The following MTA3 variants were observed in gnomAD, a reference collection of about 807,000 sequenced individuals.
MTA3 encodes metastasis-associated protein MTA3.
In MTA3, 34 loss-of-function variants were observed where a neutral mutation model predicts 83.5. That is an observed-to-expected ratio of 0.41 (90% CI 0.31 to 0.54). The LOEUF (loss-of-function observed/expected upper bound fraction) is 0.54. Ranked by LOEUF, MTA3 falls within the 20% of genes least tolerant of loss-of-function variation. The pLI is 0.33. For synonymous variants in MTA3, 303 were observed against 252.7 expected, an observed-to-expected ratio of 1.20 and a Z score of -1.89; for missense variants, 761 against 726.4, an observed-to-expected ratio of 1.05 and a Z score of -0.55.
intron 4 of MTA3, among the ~76,000 whole-genome samples, chr2:42,632,463 A>AT (rs1268020959): frequency 1.3e-5 from 2 of 151,974 alleles, no homozygotes; most frequent in South Asian, 4.2e-4. Context: ...CCTCTGAGAG[A>AT]TTTTCCTGGT....
chr2:42,737,040 A>G (rs1308577159), intron 16 of MTA3, among the ~76,000 whole-genome samples: 1 of 152,160 alleles, frequency 6.6e-6, no homozygotes, highest in Non-Finnish European at 1.5e-5. Context: ...TTTCTCTCCT[A>G]AGCAGGAGGA....
At chr2:42,518,927 C>T (rs1012290372) in intron 2 of MTA3, among the ~76,000 whole-genome samples, 5 of 150,768 alleles carry the variant, frequency 3.3e-5, no homozygotes, top group Non-Finnish European at 2.9e-5. Context: ...GACTGAGTCA[C>T]TGCACTCTAG....
At chr2:42,637,011 T>A (rs1330830593) in intron 4 of MTA3, among the ~76,000 whole-genome samples, 1 of 152,190 alleles carries the variant, frequency 6.6e-6, no homozygotes, top group Non-Finnish European at 1.5e-5. Context: ...TTTCAGTCTG[T>A]AGGATTATAT....
intron 4 of MTA3, chr2:42,613,743 C>T (rs1197967746): frequency 2.6e-5 from 4 of 152,140 alleles, no homozygotes; most frequent in East Asian, 1.9e-4. Flanking sequence ...ATTCATGAGA[C>T]GCTTAACACT....
At chr2:42,596,406 C>T (rs956568654) in intron 3 of MTA3, among the ~76,000 whole-genome samples, 10 of 152,186 alleles carry the variant, frequency 6.6e-5, no homozygotes, top group Admixed American at 1.3e-4. Flanking sequence ...TTTAAAAGGA[C>T]ATTTTTCTCT....
intron 15 of MTA3, among the ~76,000 whole-genome samples, chr2:42,722,445 A>C (rs1464974124): frequency 6.6e-6 from 1 of 152,138 alleles, no homozygotes; most frequent in African/African-American, 2.4e-5. Context: ...GAGCCAGAGG[A>C]GGAATCCCGT....
intron 2 of MTA3, among the ~76,000 whole-genome samples, chr2:42,572,985 C>T (rs914705978): frequency 6.6e-6 from 1 of 152,136 alleles, no homozygotes; most frequent in Non-Finnish European, 1.5e-5. Flanking sequence ...GCCCCAGCCT[C>T]CCAAAGTGCT....
At chr2:42,563,766 T>C (rs1334017067), upstream of MTA3, among the ~76,000 whole-genome samples, 1 of 145,626 alleles carries the variant, frequency 6.9e-6, no homozygotes, top group Non-Finnish European at 1.5e-5. Flanking sequence ...ATGCCCGGCC[T>C]GGACCAAACA....
At chr2:42,549,397 A>ATG (rs1240846618) in intron 2 of MTA3, among the ~76,000 whole-genome samples, 1 of 118,354 alleles carries the variant, frequency 8.4e-6, no homozygotes, top group African/African-American at 3.3e-5. Context: ...TATATATTAT[A>ATG]TATACGTATA....
At chr2:42,617,195 A>C (rs1318809601) in intron 4 of MTA3, among the ~76,000 whole-genome samples, 1 of 152,218 alleles carries the variant, frequency 6.6e-6, no homozygotes, top group East Asian at 1.9e-4. Context: ...GGATGGAGAA[A>C]TAGATACTCT....
chr2:42,538,942 T>A (rs1404310651), intron 2 of MTA3, among the ~76,000 whole-genome samples: 2 of 149,408 alleles, frequency 1.3e-5, no homozygotes, highest in Non-Finnish European at 3.0e-5. Flanking sequence ...GCCCGGCTAA[T>A]TTTTTGTATT....
intron 2 of MTA3, among the ~76,000 whole-genome samples, chr2:42,520,423 T>C (rs1000867026): frequency 6.6e-6 from 1 of 152,156 alleles, no homozygotes; most frequent in Non-Finnish European, 1.5e-5. Flanking sequence ...TGTGCCCAGC[T>C]TCATGCTTCA....
At chr2:42,568,118 A>G (rs1204184237), upstream of MTA3, 1 of 152,094 alleles carries the variant, frequency 6.6e-6, no homozygotes, top group Admixed American at 6.6e-5. Flanking sequence ...CTTGAATCTC[A>G]CCGCGAGGAA....
chr2:42,682,432 G>C lies in MTA3; in HGVS notation c.734G>C (p.Ser245Thr). Residue 245 changes from serine to threonine, a missense_variant, in exon 9 of 17, where the codon AGC becomes ACC. Ser to Thr is a moderately conservative substitution (Grantham distance 58). Transcript: ENST00000405094. ...FHAMDTLYRH[S>T]YDLSSAISVL... Reference sequence around the variant, plus strand: ...GCTATGGATACATTGTATAGACACAGCTATGATTTGAGCAGTGCCATTAGT... The same window carrying C: ...GCTATGGATACATTGTATAGACACACCTATGATTTGAGCAGTGCCATTAGT... 2 of 1,610,612 alleles carry C rather than the reference G, an allele frequency of 1.2e-6. No individual in the cohort carries two copies. The highest frequency in any genetic ancestry group is 1.3e-5 in the African/African-American group (1 of 74,992).
At chr2:42,582,248 C>T (rs971541704) in intron 3 of MTA3, among the ~76,000 whole-genome samples, 3 of 152,006 alleles carry the variant, frequency 2.0e-5, no homozygotes, top group Non-Finnish European at 2.9e-5. Flanking sequence ...TCAGTAGAGA[C>T]GGGGTTTCAC....
Position 42,682,597 on chromosome 2 carries a change from GA to G in MTA3, c.891+12del. ...GACATACGGCAAGATTTTGTAAGTAGAAAATTATGAGTAAAATAAAATGTTG... is the reference window on the plus strand; with the variant it reads ...GACATACGGCAAGATTTTGTAAGTAGAAATTATGAGTAAAATAAAATGTTG... On this transcript the variant is annotated intron_variant, in intron 9 of 16. Transcript: ENST00000405094. 6.3e-7 allele frequency: 1 copy of G among 1,599,938 alleles called. No homozygotes were observed. Among genetic ancestry groups the G allele is most frequent in the Non-Finnish European group, 8.5e-7 (1 of 1,172,146 alleles).
intron 3 of MTA3, among the ~76,000 whole-genome samples, chr2:42,594,835 TC>T (rs1325010695): frequency 7.0e-6 from 1 of 143,178 alleles, no homozygotes; most frequent in African/African-American, 2.6e-5. Flanking sequence ...CACGCCATTC[TC>T]CCGCCTCAGC....
intron 4 of MTA3, among the ~76,000 whole-genome samples, chr2:42,625,451 A>G (rs551534175): frequency 6.6e-6 from 1 of 151,494 alleles, no homozygotes; most frequent in Admixed American, 6.6e-5. Flanking sequence ...TCATGTTTTA[A>G]AATTTGTTTT....
Position 42,577,605 on chromosome 2 carries a change from C to G in MTA3, c.97-1502C>G, listed in dbSNP as rs530339998. Among the ~76,000 whole-genome samples the G allele has an allele frequency of 3.1e-4, 47 of 151,918 alleles. No homozygotes were observed. In the East Asian group the frequency reaches 8.7e-3, roughly 28 times the overall value. On this transcript the variant is annotated intron_variant, in intron 2 of 16. Transcript: ENST00000405094. The stretch of plus-strand genomic sequence containing the variant: ...AAGCGATTCTCCTGCCTCAGCCTCC[C>G]GAGTAGCTGGGACTACAGGTGTGTG...
Sources: allele counts gnomAD v4.1 joint callset (sites outside exome capture counted in the v4.1 genomes callset), GRCh38; gene constraint gnomAD v4.1.1; transcripts MANE v1.5; gene names NCBI Gene and HGNC (gene_info 2026-07-23, HGNC 2026-07-21).